Variants in KCNAB2 observed in about 807,000 individuals in gnomAD.
KCNAB2 encodes potassium voltage-gated channel subfamily A regulatory beta subunit 2.
Under a neutral mutation model 63.6 loss-of-function variants are expected in KCNAB2, and 29 were observed. That is an observed-to-expected ratio of 0.46 (90% CI 0.34 to 0.62). The LOEUF (loss-of-function observed/expected upper bound fraction) is 0.62, where lower values mean the gene tolerates loss of function less well. Among genes scored for constraint, KCNAB2 ranks in the 20% least tolerant of loss-of-function variants. The pLI is 0.01. For missense variants in KCNAB2, 359 were observed against 563.9 expected (o/e 0.64, Z 3.68); for synonymous variants, 222 against 224.2 (o/e 0.99, Z 0.09).
rs1167577777 is a variant in KCNAB2 at position 6,087,964 on chromosome 1, G to T, written c.470+453G>T. Among the ~76,000 whole-genome samples the T allele has an allele frequency of 6.6e-6, 1 of 152,152 alleles. No homozygotes were observed. The highest frequency in any genetic ancestry group is 1.5e-5 in the Non-Finnish European group (1 of 68,018). On this transcript the variant is annotated intron_variant, in intron 7 of 15. Transcript: ENST00000378083. The surrounding 1 kb of genome is among the most constrained non-coding windows in gnomAD (Gnocchi z 6.4). ...CTGTCACCCCTGCAGGTCTCCAAGT[G>T]TCTAGCTCCATAGTTTCTGGGCTGG... is the stretch of plus-strand genomic sequence containing the variant.
At chr1:6,042,643 T>TG (rs1660585954), upstream of KCNAB2, among the ~76,000 whole-genome samples, 1 of 152,092 alleles carries the variant, frequency 6.6e-6, no homozygotes, top group East Asian at 1.9e-4. Context: ...TGGGACTGTT[T>TG]GGGGAATTGG....
Position 6,072,789 on chromosome 1 carries a change from C to T in KCNAB2, c.253C>T (p.Leu85=), listed in dbSNP as rs748846485. 33 of 1,613,812 alleles carry T rather than the reference C, an allele frequency of 2.0e-5. No homozygotes were observed. The South Asian group carries it at 3.6e-4, about 18-fold the overall frequency. ...CAAGTCTGGCCTGCGGGTCTCCTGC[C>T]TGGGACTTGGTGAGTGTGGGGGTCC... ...LGKSGLRVSC[L]GLGTWVTFGG... is the part of the protein sequence containing the mutation. Residue 85 remains leucine (L), a synonymous_variant, in exon 3 of 16, where the codon CTG becomes TTG. Transcript: ENST00000378083.
At position 6,086,954 on chromosome 1, in the gene KCNAB2, G is replaced by T. The variant is rs893832046; in HGVS notation, c.426-513G>T. 6.6e-5 allele frequency among the ~76,000 whole-genome samples: 10 copies of T among 151,544 alleles called. No homozygotes were observed. The highest frequency in any genetic ancestry group is 2.4e-4 in the African/African-American group (10 of 41,138). ...GTCCCACACAGATTTTCTGCAACAC[G>T]TGTCACATTCTGTAGGGAACGTTGC... On this transcript the variant is annotated intron_variant, in intron 6 of 15. Transcript: ENST00000378083. The surrounding 1 kb of genome is among the most constrained non-coding windows in gnomAD (Gnocchi z 4.2).
At chr1:6,092,742 G>C (rs1281199775) in intron 10 of KCNAB2, among the ~76,000 whole-genome samples, 1 of 152,226 alleles carries the variant, frequency 6.6e-6, no homozygotes, top group Non-Finnish European at 1.5e-5. Context: ...AGGTGGCCCA[G>C]GGAGGTGGCC....
chr1:6,084,905 A>G (rs7554078), intron 5 of KCNAB2, among the ~76,000 whole-genome samples: 7,426 of 152,004 alleles, frequency 0.049, 601 homozygotes, highest in African/African-American at 0.17. Context: ...AGGAAATGGG[A>G]TGCTCGACAG....
rs754855613 is a variant in KCNAB2, at chr1:6,069,125, G to A, written c.219-3630G>A. 3.3e-5 allele frequency among the ~76,000 whole-genome samples: 5 copies of A among 152,184 alleles called. No individual in the cohort carries two copies. The highest frequency in any genetic ancestry group is 5.9e-5 in the Non-Finnish European group (4 of 68,034). ...AAGACAAAGACTGGAAGCCCAGCCT[G>A]TCCTTAGGGAGCCTGGAATCTCGGA... is the stretch of plus-strand genomic sequence containing the variant. On this transcript the variant is annotated intron_variant, in intron 2 of 15. Coordinates refer to ENST00000378083, the MANE Select transcript of KCNAB2 (RefSeq NM_001199862.2). This position sits in a 1 kb window ranked among gnomAD's most constrained non-coding sequence, Gnocchi z 5.4.
At chr1:6,005,418 G>C in intron 1 of KCNAB2, among the ~76,000 whole-genome samples, 1 of 124,914 alleles carries the variant, frequency 8.0e-6, no homozygotes, top group South Asian at 2.5e-4. Context: ...GGGTGGGGGT[G>C]GAGTTGTGGG....
upstream of KCNAB2, among the ~76,000 whole-genome samples, chr1:6,042,744 A>G (rs1328824399): frequency 2.6e-5 from 4 of 152,020 alleles, no homozygotes; most frequent in Non-Finnish European, 5.9e-5. Flanking sequence ...GACATCTGGT[A>G]ACAGTGCTTT....
intron 10 of KCNAB2, among the ~76,000 whole-genome samples, chr1:6,092,629 T>G (rs1371216386): frequency 6.6e-6 from 1 of 152,228 alleles, no homozygotes; most frequent in Non-Finnish European, 1.5e-5. Context: ...AGCCCGGACC[T>G]GGGCAGGATG....
Position 6,096,216 on chromosome 1 carries a change from C to G in KCNAB2, c.949-420C>G. The G allele has an allele frequency of 2.2e-6, 1 of 453,600 alleles. No homozygotes were observed. The highest frequency in any genetic ancestry group is 1.6e-5 in the South Asian group (1 of 64,046). 28.1% of individuals were successfully genotyped at this position (453,600 alleles called of 1,614,324 possible). ...CATCCCATGGCAAGGTCAGGGCCCC[C>G]CTCCAGGAGGCCCTGCAATCCTCTG... is the stretch of plus-strand genomic sequence containing the variant. On this transcript the variant is annotated intron_variant, in intron 13 of 15. Transcript: ENST00000378083. This position sits in a 1 kb window ranked among gnomAD's most constrained non-coding sequence, Gnocchi z 5.9.
At chr1:6,044,655 A>G (rs3789560), upstream of KCNAB2, among the ~76,000 whole-genome samples, 18,344 of 152,046 alleles carry the variant, frequency 0.12, 2,701 homozygotes, top group East Asian at 0.33. Flanking sequence ...GGAGCCATCT[A>G]TGGTGTTTGA....
chr1:6,066,490 C>T lies in KCNAB2; in HGVS notation c.219-6265C>T, dbSNP rs1455075506. Among the ~76,000 whole-genome samples the T allele has an allele frequency of 2.0e-5, 3 of 152,348 alleles. No homozygotes were observed. In the East Asian group the frequency reaches 5.8e-4, roughly 29 times the overall value. On this transcript the variant is annotated intron_variant, in intron 2 of 15. Coordinates refer to ENST00000378083, the MANE Select transcript of KCNAB2 (RefSeq NM_001199862.2). ...GGTCAGTGCTAAGTTTCTTTCTTCCCAGTTTCAGGGGGAGATGGTGAGGGC... is the reference window on the plus strand; with the variant it reads ...GGTCAGTGCTAAGTTTCTTTCTTCCTAGTTTCAGGGGGAGATGGTGAGGGC...
intron 1 of KCNAB2, among the ~76,000 whole-genome samples, chr1:6,000,040 T>C (rs530232627): frequency 6.6e-6 from 1 of 150,758 alleles, no homozygotes; most frequent in Non-Finnish European, 1.5e-5. Context: ...CCGTGCCCCG[T>C]CTGCACCTTG....
chr1:6,081,864 T>C (rs1664239134), intron 4 of KCNAB2, among the ~76,000 whole-genome samples: 1 of 152,224 alleles, frequency 6.6e-6, no homozygotes, highest in African/African-American at 2.4e-5. Flanking sequence ...AGACATGAAT[T>C]CTGTGGGGAT....
At chr1:5,997,756 C>G (rs986567643) in intron 1 of KCNAB2, among the ~76,000 whole-genome samples, 36 of 152,222 alleles carry the variant, frequency 2.4e-4, no homozygotes, top group African/African-American at 8.4e-4. Context: ...CTTGCCACCC[C>G]TCCCAGATGC....
chr1:6,098,675 C>A lies in KCNAB2; in HGVS notation c.*101C>A. 1 of 1,381,608 alleles carries A rather than the reference C, an allele frequency of 7.2e-7. No homozygotes were observed. The highest frequency in any genetic ancestry group is 1.3e-5 in the South Asian group (1 of 76,290). 85.6% of individuals were successfully genotyped at this position (1,381,608 alleles called of 1,614,324 possible). A position where few individuals can be genotyped will look rare whatever the true frequency, so the allele number is the denominator to read the frequency against. On this transcript the variant is annotated 3_prime_UTR_variant, in exon 16 of 16. Transcript: ENST00000378083. ...CCAAGTGAAGAGTGTGGTTTGCATC[C>A]AAGAGAAAACACCACACTGTGATGT...
At chr1:6,033,263 GCCTGTGTGCA>G (rs1387366729), upstream of KCNAB2, among the ~76,000 whole-genome samples, 7 of 151,032 alleles carry the variant, frequency 4.6e-5, no homozygotes, top group Non-Finnish European at 1.0e-4. Context: ...GTGTGTGTGT[GCCTGTGTGCA>G]TGTGCGTGTG....
In KCNAB2 at chr1:6,099,603, C is replaced by A; in HGVS notation, c.*1029C>A. The A allele has an allele frequency of 1.5e-6, 1 of 672,856 alleles. No homozygotes were observed. Among genetic ancestry groups the A allele is most frequent in the Non-Finnish European group, 2.3e-6 (1 of 434,640 alleles). 41.7% of individuals were successfully genotyped at this position (672,856 alleles called of 1,614,324 possible). A position where few individuals can be genotyped will look rare whatever the true frequency, so the allele number is the denominator to read the frequency against. ...CTCTAAAGCCGCCCGCCAGCCCAGG[C>A]CGCTGCTCTGCACCGAGCTGGTGGG... On this transcript the variant is annotated 3_prime_UTR_variant, in exon 16 of 16. Transcript: ENST00000378083.
rs1657634854 is a variant in KCNAB2, at chr1:6,005,791, G to GTTTCCCCTGGCAGGGA, written c.-53+13003_-53+13004insTTTCCCCTGGCAGGGA. Among the ~76,000 whole-genome samples the GTTTCCCCTGGCAGGGA allele has an allele frequency of 5.3e-5, 8 of 152,016 alleles. No homozygotes were observed. In the South Asian group the frequency reaches 1.7e-3, roughly 31 times the overall value. ...AGATGGGGGTCTCCCTGCCCAGGAT[G>GTTTCCCCTGGCAGGGA]CCGGCCGGAGTTTCCCCTGGCAGGG... On this transcript the variant is annotated intron_variant, in intron 1 of 16. Coordinates refer to the KCNAB2 transcript ENST00000341524.
Sources: gnomAD v4.1 joint callset for allele counts (sites outside exome capture counted in the v4.1 genomes callset) on GRCh38, gnomAD v4.1.1 for gene constraint, Gnocchi (gnomAD v3.1) non-coding constraint, MANE v1.5 for transcripts, NCBI Gene and HGNC (gene_info 2026-07-23, HGNC 2026-07-21) for gene names.